PRKN: variants seen among roughly 807,000 people sequenced by gnomAD.
PRKN encodes the protein parkin RBR E3 ubiquitin protein ligase.
Under a neutral mutation model 59.5 loss-of-function variants are expected in PRKN, and 56 were observed. That is an observed-to-expected ratio of 0.94 (90% CI 0.76 to 1.18). The LOEUF (loss-of-function observed/expected upper bound fraction) is 1.18, where lower values mean the gene tolerates loss of function less well. Among genes scored for constraint, PRKN ranks in the 50% most tolerant of loss-of-function variants. The pLI is 0.00. For synonymous variants in PRKN, 250 were observed against 222.1 expected (o/e 1.13, Z -1.12); for missense variants, 657 against 596.4 (o/e 1.10, Z -1.06).
At chr6:162,323,376 C>T (rs1220242185) in intron 2 of PRKN, among the ~76,000 whole-genome samples, 1 of 151,262 alleles carries the variant, frequency 6.6e-6, no homozygotes, top group African/African-American at 2.4e-5. Flanking sequence ...ATACAAAAAT[C>T]TATAAAAATC....
intron 3 of PRKN, among the ~76,000 whole-genome samples, chr6:162,217,605 T>G (rs1464635454): frequency 6.6e-6 from 1 of 152,182 alleles, no homozygotes; most frequent in Non-Finnish European, 1.5e-5. Flanking sequence ...TTGGTCAGGC[T>G]GGTTTCGAAC....
rs560908909 is a variant in PRKN, at chr6:161,635,902, A to G, written c.872-66486T>C. On this transcript the variant is annotated intron_variant, in intron 7 of 11. Transcript: ENST00000366898. ...GTCCAGGCTTTTTTGATATTTCATCAAATTTTTGCAGGAGGGGAAGTGCTT... is the reference window on the plus strand; with the variant it reads ...GTCCAGGCTTTTTTGATATTTCATCGAATTTTTGCAGGAGGGGAAGTGCTT... Among the ~76,000 whole-genome samples, 10 of 152,336 alleles carry G rather than the reference A, an allele frequency of 6.6e-5. No homozygotes were observed. In the East Asian group the frequency reaches 1.9e-3, roughly 29 times the overall value.
rs923162349 is a variant in PRKN at position 161,548,800 on chromosome 6, C to T, written c.1083+54G>A. 1.9e-6 allele frequency: 3 copies of T among 1,549,142 alleles called. No individual in the cohort carries two copies. In the African/African-American group the frequency reaches 4.1e-5, roughly 21 times the overall value. On this transcript the variant is annotated intron_variant, in intron 9 of 11. Coordinates refer to ENST00000366898, the MANE Select transcript of PRKN (RefSeq NM_004562.3). This position sits in a 1 kb window ranked among gnomAD's most constrained non-coding sequence, Gnocchi z 4.2. ...TAAAAATATAATCCCAGCCCATGTG[C>T]AAAAGCAAACAAGGACAGGAACACA...
At chr6:162,210,132 T>TAAAATAAAATAA (rs1282133436) in intron 3 of PRKN, among the ~76,000 whole-genome samples, 1 of 151,940 alleles carries the variant, frequency 6.6e-6, no homozygotes, top group East Asian at 1.9e-4. Flanking sequence ...TAAAATAAAA[T>TAAAATAAAATAA]AAAGAGGCAG....
intron 7 of PRKN, among the ~76,000 whole-genome samples, chr6:161,658,181 T>C (rs900270070): frequency 6.6e-6 from 1 of 150,938 alleles, no homozygotes; most frequent in Non-Finnish European, 1.5e-5. Context: ...CAGAATTTAC[T>C]ATGGCATGTA....
intron 10 of PRKN, among the ~76,000 whole-genome samples, chr6:161,366,062 G>A (rs1468574590): frequency 6.6e-6 from 1 of 152,180 alleles, no homozygotes; most frequent in Non-Finnish European, 1.5e-5. Context: ...ACCCACCAAG[G>A]TGATGCTACT....
intron 7 of PRKN, among the ~76,000 whole-genome samples, chr6:161,715,260 A>C (rs1292455413): frequency 2.0e-5 from 3 of 152,214 alleles, no homozygotes; most frequent in African/African-American, 7.2e-5. Flanking sequence ...AACAAAAGGC[A>C]AATATAATTT....
At chr6:161,618,983 A>C (rs75426917) in intron 7 of PRKN, among the ~76,000 whole-genome samples, 2,147 of 152,264 alleles carry the variant, frequency 0.014, 56 homozygotes, top group African/African-American at 0.049. Flanking sequence ...GAAGTGATAG[A>C]AAAATGAGCC....
At chr6:161,764,818 GTAGTCTTTTCTAGAA>G (rs1562666095) in intron 7 of PRKN, among the ~76,000 whole-genome samples, 1 of 152,140 alleles carries the variant, frequency 6.6e-6, no homozygotes, top group Non-Finnish European at 1.5e-5. Context: ...AAATAGCTCT[GTAGTCTTTTCTAGAA>G]TAGTATGCCA....
intron 2 of PRKN, among the ~76,000 whole-genome samples, chr6:162,312,674 A>C (rs769515520): frequency 3.9e-5 from 6 of 152,162 alleles, no homozygotes; most frequent in Non-Finnish European, 8.8e-5. Context: ...GTTCATTTAC[A>C]TAAGTGGTTC....
At chr6:161,623,053 G>T (rs1582905064) in intron 7 of PRKN, among the ~76,000 whole-genome samples, 1 of 152,094 alleles carries the variant, frequency 6.6e-6, no homozygotes, top group Non-Finnish European at 1.5e-5. Flanking sequence ...ACAATAGATT[G>T]CATGAGCCCC....
At chr6:162,067,791 G>C (rs1411379102) in intron 4 of PRKN, among the ~76,000 whole-genome samples, 1 of 152,224 alleles carries the variant, frequency 6.6e-6, no homozygotes, top group African/African-American at 2.4e-5. Context: ...TACAGATGGA[G>C]AGACTGAGGC....
chr6:162,696,573 TC>T lies in PRKN; in HGVS notation c.7+31088del, dbSNP rs139094481. ...GTCAGGAAAAACTTTTTTTTTTTTTTCTTTTTTTTGAGATAGGGTCTTACTC... is the reference window on the plus strand; with the variant it reads ...GTCAGGAAAAACTTTTTTTTTTTTTTTTTTTTTTGAGATAGGGTCTTACTC... On this transcript the variant is annotated intron_variant, in intron 1 of 11. Transcript: ENST00000366898. Among the ~76,000 whole-genome samples, 394 of 144,200 alleles carry T rather than the reference TC, an allele frequency of 2.7e-3. 59 individuals are homozygous for T. The highest frequency in any genetic ancestry group is 5.1e-3 in the African/African-American group (201 of 39,222). The allele number at this position is 144,200 out of a possible 152,430, so 94.6% of individuals were successfully genotyped here.
At chr6:161,374,810 G>C (rs1192633495) in intron 10 of PRKN, among the ~76,000 whole-genome samples, 1 of 152,052 alleles carries the variant, frequency 6.6e-6, no homozygotes, top group Non-Finnish European at 1.5e-5. Context: ...TTGCGAACTT[G>C]TTCTAGCTGC....
At chr6:161,769,011 C>T (rs1789547298) in intron 7 of PRKN, among the ~76,000 whole-genome samples, 1 of 152,126 alleles carries the variant, frequency 6.6e-6, no homozygotes, top group Non-Finnish European at 1.5e-5. Flanking sequence ...TTATAAAGAA[C>T]TATCAATAAC....
chr6:162,709,423 G>A (rs955343639), intron 1 of PRKN, among the ~76,000 whole-genome samples: 3 of 150,380 alleles, frequency 2.0e-5, no homozygotes, highest in East Asian at 2.0e-4. Context: ...GGTTGCTTTC[G>A]CAGGTGAGAG....
intron 4 of PRKN, among the ~76,000 whole-genome samples, chr6:162,154,910 T>C (rs34123624): frequency 0.022 from 3,397 of 151,612 alleles, 135 homozygotes; most frequent in African/African-American, 0.078. Context: ...AATAGCTTAA[T>C]TGAAAAATCA....
chr6:162,341,668 A>G (rs918169776), intron 2 of PRKN, among the ~76,000 whole-genome samples: 6 of 152,128 alleles, frequency 3.9e-5, no homozygotes, highest in African/African-American at 1.4e-4. Context: ...CAGAAAACCA[A>G]ACACTGCATG....
At chr6:162,186,783 G>C (rs1458924237) in intron 4 of PRKN, among the ~76,000 whole-genome samples, 3 of 152,154 alleles carry the variant, frequency 2.0e-5, no homozygotes, top group Non-Finnish European at 4.4e-5. Flanking sequence ...CTCTGGACAG[G>C]TAAAACATCT....
Sources: gnomAD v4.1 joint callset for allele counts (sites outside exome capture counted in the v4.1 genomes callset) on GRCh38, gnomAD v4.1.1 for gene constraint, Gnocchi (gnomAD v3.1) non-coding constraint, MANE v1.5 for transcripts, NCBI Gene and HGNC (gene_info 2026-07-23, HGNC 2026-07-21) for gene names.